The following SUSD4 variants were observed in gnomAD, a reference collection of about 807,000 sequenced individuals.
SUSD4 encodes the protein sushi domain containing 4.
SUSD4 carries 41 observed loss-of-function variants against 50.5 expected under a neutral mutation model. That is an observed-to-expected ratio of 0.81 (90% confidence interval 0.63 to 1.05). The LOEUF (loss-of-function observed/expected upper bound fraction) is 1.05, where lower values mean the gene tolerates loss of function less well. Among genes scored for constraint, SUSD4 ranks in the 50% least tolerant of loss-of-function variants. SUSD4 has a pLI of 0.00. For missense variants in SUSD4, 580 were observed against 634.7 expected (o/e 0.91, Z 0.93); for synonymous variants, 257 against 257.3 (o/e 1.00, Z 0.01).
intron 3 of SUSD4, among the ~76,000 whole-genome samples, chr1:223,279,842 G>A (rs892245612): frequency 2.0e-5 from 3 of 152,156 alleles, no homozygotes; most frequent in Admixed American, 1.3e-4. Context: ...CAGAGAGAAA[G>A]GTTAGGTTAC....
At chr1:223,357,065 T>C (rs1668708992) in intron 2 of SUSD4, among the ~76,000 whole-genome samples, 1 of 152,154 alleles carries the variant, frequency 6.6e-6, no homozygotes, top group African/African-American at 2.4e-5. Flanking sequence ...AACCAGCCAC[T>C]TGTTTACTCA....
intron 2 of SUSD4, among the ~76,000 whole-genome samples, chr1:223,320,166 C>A (rs760236679): frequency 5.9e-5 from 9 of 152,150 alleles, no homozygotes; most frequent in Non-Finnish European, 1.3e-4. Flanking sequence ...GGGAGTTACA[C>A]TTTTGTCCTT....
At position 223,234,607 on chromosome 1, in the gene SUSD4, G is replaced by C. The variant is rs139633125; in HGVS notation, c.725-5219C>G. On this transcript the variant is annotated intron_variant, in intron 5 of 8. Transcript: ENST00000366878. ...TGTCCACTTCTCTCCTGTTGGCAATGAGCTGCAATATTCATGCTGTGTCTG... is the reference window on the plus strand; with the variant it reads ...TGTCCACTTCTCTCCTGTTGGCAATCAGCTGCAATATTCATGCTGTGTCTG... Among the ~76,000 whole-genome samples the C allele has an allele frequency of 3.7e-3, 569 of 152,296 alleles. 3 individuals are homozygous for C. The highest frequency in any genetic ancestry group is 0.013 in the African/African-American group (535 of 41,544).
At position 223,234,655 on chromosome 1, in the gene SUSD4, A is replaced by G. The variant is rs1274670329; in HGVS notation, c.725-5267T>C. 3.3e-5 allele frequency among the ~76,000 whole-genome samples: 5 copies of G among 152,300 alleles called. No individual in the cohort carries two copies. The East Asian group carries it at 5.8e-4, about 18-fold the overall frequency. ...CTGGTCTCATTTTTCAGTGGGGGAAAAAAGGTGAGACATGATAATAGTTTT... is the reference window on the plus strand; with the variant it reads ...CTGGTCTCATTTTTCAGTGGGGGAAGAAAGGTGAGACATGATAATAGTTTT... On this transcript the variant is annotated intron_variant, in intron 5 of 8. Coordinates refer to ENST00000366878, the MANE Select transcript of SUSD4 (RefSeq NM_017982.4).
chr1:223,268,330 A>G (rs3820596), intron 4 of SUSD4, among the ~76,000 whole-genome samples, 172 bp downstream of exon 4: 62,114 of 151,634 alleles, frequency 0.41, 12,897 homozygotes, highest in African/African-American at 0.43. Flanking sequence ...GAGAGTCCAA[A>G]AACAGAGCTT....
intron 2 of SUSD4, among the ~76,000 whole-genome samples, chr1:223,347,553 G>GC (rs1228439046): frequency 7.2e-6 from 1 of 139,516 alleles, no homozygotes; most frequent in Non-Finnish European, 1.6e-5. Context: ...ATAAATCCCA[G>GC]CCCCTACAGT....
rs1348057678 is a variant in SUSD4, at chr1:223,229,473, A to G, written c.725-85T>C. The G allele has an allele frequency of 2.7e-5, 35 of 1,303,644 alleles. No homozygotes were observed. Among genetic ancestry groups the G allele is most frequent in the Non-Finnish European group, 3.6e-5 (35 of 966,882 alleles). 80.8% of individuals were successfully genotyped at this position (1,303,644 alleles called of 1,614,324 possible). A position where few individuals can be genotyped will look rare whatever the true frequency, so the allele number is the denominator to read the frequency against. On this transcript the variant is annotated intron_variant, in intron 5 of 8. Coordinates refer to ENST00000366878, the MANE Select transcript of SUSD4 (RefSeq NM_017982.4). This position sits in a 1 kb window ranked among gnomAD's most constrained non-coding sequence, Gnocchi z 4.7. ...CCTAAGACGAAGAATGGCCTAGGAG[A>G]ACTCAGTTAAAAATGTGCTTATGGA...
At chr1:223,359,852 A>G (rs1448044981) in intron 2 of SUSD4, among the ~76,000 whole-genome samples, 2 of 152,190 alleles carry the variant, frequency 1.3e-5, no homozygotes, top group African/African-American at 4.8e-5. Context: ...AAATTTGAGA[A>G]AATTTGCTCA....
chr1:223,302,565 T>C (rs762732701), intron 2 of SUSD4, among the ~76,000 whole-genome samples: 1 of 152,136 alleles, frequency 6.6e-6, no homozygotes, highest in South Asian at 2.1e-4. Context: ...AAGTTCTACA[T>C]GTTCTGGAGA....
intron 2 of SUSD4, among the ~76,000 whole-genome samples, chr1:223,317,818 G>C (rs1192417151): frequency 7.1e-6 from 1 of 140,028 alleles, no homozygotes; most frequent in Non-Finnish European, 1.5e-5. Context: ...CTGGGAGCTC[G>C]TCAATGCTTG....
rs545859964 is a variant in SUSD4, at chr1:223,354,946, T to TTTTC, written c.148+8328_148+8331dup. 5.4e-3 allele frequency among the ~76,000 whole-genome samples: 816 copies of TTTTC among 152,048 alleles called. 8 individuals are homozygous for TTTTC. The highest frequency in any genetic ancestry group is 0.018 in the African/African-American group (734 of 41,488). On this transcript the variant is annotated intron_variant, in intron 2 of 8. Coordinates refer to ENST00000366878, the MANE Select transcript of SUSD4 (RefSeq NM_017982.4). ...TCAAAGAATCCACCATAAGAATGCA[T>TTTTC]TTTCTTTCTTTCTTTCTTTCTTTTT...
At chr1:223,322,268 A>G (rs1306006778) in intron 2 of SUSD4, among the ~76,000 whole-genome samples, 2 of 152,240 alleles carry the variant, frequency 1.3e-5, no homozygotes, top group African/African-American at 2.4e-5. Context: ...AAGAAAAGGA[A>G]ATGTTAAACT....
At chr1:223,264,545 A>G in intron 5 of SUSD4, 85 bp downstream of exon 5, 1 of 1,556,922 alleles carries the variant, frequency 6.4e-7, no homozygotes, top group East Asian at 2.3e-5. Flanking sequence ...ATTGCCCATC[A>G]TAATTCACAG....
intron 2 of SUSD4, among the ~76,000 whole-genome samples, chr1:223,349,923 T>A (rs367918245): frequency 2.6e-4 from 39 of 152,334 alleles, no homozygotes; most frequent in African/African-American, 9.1e-4. Flanking sequence ...TATTTGGAGA[T>A]AGGGCCTTTA....
intron 2 of SUSD4, among the ~76,000 whole-genome samples, chr1:223,360,607 T>A (rs2102602990): frequency 6.6e-6 from 1 of 152,312 alleles, no homozygotes; most frequent in South Asian, 2.1e-4. Context: ...CTGTTCCTAC[T>A]TTTCTTTGAT....
At chr1:223,280,182 T>C (rs544632747) in intron 3 of SUSD4, among the ~76,000 whole-genome samples, 1 of 152,160 alleles carries the variant, frequency 6.6e-6, no homozygotes, top group Non-Finnish European at 1.5e-5. Context: ...CATCAACTAA[T>C]GAGCAAAATA....
chr1:223,239,380 T>C (rs1660426976), intron 5 of SUSD4, among the ~76,000 whole-genome samples: 1 of 152,224 alleles, frequency 6.6e-6, no homozygotes, highest in South Asian at 2.1e-4. Flanking sequence ...ATATGTGTTA[T>C]CGTTTTTTGT....
chr1:223,258,156 C>G (rs1302839887), intron 5 of SUSD4, among the ~76,000 whole-genome samples: 2 of 152,298 alleles, frequency 1.3e-5, no homozygotes, highest in East Asian at 3.9e-4. Context: ...GGCAGGATTC[C>G]TGGAGGGAGA....
At chr1:223,282,661 T>G (rs1460261448) in intron 3 of SUSD4, among the ~76,000 whole-genome samples, 2 of 152,238 alleles carry the variant, frequency 1.3e-5, no homozygotes, top group African/African-American at 2.4e-5. Context: ...ATGGCCATAC[T>G]GCCCAAGGTA....
Sources: gnomAD v4.1 joint callset for allele counts (sites outside exome capture counted in the v4.1 genomes callset) on GRCh38, gnomAD v4.1.1 for gene constraint, Gnocchi (gnomAD v3.1) non-coding constraint, MANE v1.5 for transcripts, NCBI Gene and HGNC (gene_info 2026-07-23, HGNC 2026-07-21) for gene names.